Variants in ATG10 observed in about 807,000 individuals in gnomAD.
The protein encoded by ATG10 is autophagy related 10.
In ATG10, 30 loss-of-function variants were observed where a neutral mutation model predicts 32.1. The ratio of observed to expected loss-of-function variants is 0.94; its 90% CI spans 0.70 to 1.27. The LOEUF (loss-of-function observed/expected upper bound fraction) is 1.27, where lower values mean the gene tolerates loss of function less well. Ranked by LOEUF, ATG10 falls within the 50% of genes most tolerant of loss-of-function variation. The probability of loss-of-function intolerance (pLI) is 0.00; values close to 1 mark genes in which losing one functional copy is unlikely to be tolerated. For missense variants in ATG10, 233 were observed against 262.3 expected (o/e 0.89, Z 0.77); for synonymous variants, 87 against 91.5 (o/e 0.95, Z 0.28).
At chr5:82,072,029 G>A (rs1764146555) in intron 3 of ATG10, among the ~76,000 whole-genome samples, 1 of 152,144 alleles carries the variant, frequency 6.6e-6, no homozygotes, top group African/African-American at 2.4e-5. Flanking sequence ...AGTGAGATTA[G>A]GTGGGGATAA....
intron 2 of ATG10, among the ~76,000 whole-genome samples, chr5:81,991,623 T>C (rs932018459): frequency 2.0e-5 from 3 of 151,878 alleles, no homozygotes; most frequent in African/African-American, 7.3e-5. Flanking sequence ...GTGAAACCCT[T>C]TCTCTACTAA....
chr5:82,227,497 C>T (rs1021829716), intron 5 of ATG10, among the ~76,000 whole-genome samples: 4 of 152,114 alleles, frequency 2.6e-5, no homozygotes, highest in Non-Finnish European at 5.9e-5. Context: ...GCCTCAGCCT[C>T]CCATGTAACT....
intron 5 of ATG10, among the ~76,000 whole-genome samples, chr5:82,243,307 T>C (rs545055870): frequency 1.7e-3 from 260 of 151,944 alleles, no homozygotes; most frequent in African/African-American, 6.1e-3. Flanking sequence ...ATGTCTACAA[T>C]AAGATGGAAA....
chr5:82,022,308 A>G (rs1310358609), intron 2 of ATG10, among the ~76,000 whole-genome samples: 1 of 150,522 alleles, frequency 6.6e-6, no homozygotes, highest in Non-Finnish European at 1.5e-5. Flanking sequence ...TATGTGGTGT[A>G]TTACTTTGAT....
chr5:82,202,421 C>T (rs191582608), intron 5 of ATG10, among the ~76,000 whole-genome samples: 1 of 152,266 alleles, frequency 6.6e-6, no homozygotes, highest in East Asian at 1.9e-4. Context: ...ACAACTCTTC[C>T]CCCCTGCAGA....
chr5:81,984,127 C>T (rs1380029735), intron 1 of ATG10, among the ~76,000 whole-genome samples: 1 of 152,268 alleles, frequency 6.6e-6, no homozygotes, highest in Non-Finnish European at 1.5e-5. Flanking sequence ...TGCACTCCAG[C>T]CTGGGCACCA....
At chr5:82,001,290 G>GA (rs1229342332) in intron 2 of ATG10, among the ~76,000 whole-genome samples, 1 of 152,048 alleles carries the variant, frequency 6.6e-6, no homozygotes, top group Admixed American at 6.6e-5. Context: ...CAGAGAATTA[G>GA]AAAAAACAGT....
chr5:82,067,896 A>T (rs963531658), intron 3 of ATG10, among the ~76,000 whole-genome samples: 36 of 152,116 alleles, frequency 2.4e-4, no homozygotes, highest in Admixed American at 1.1e-3. Context: ...GTATTTTTTT[A>T]AAAATCAAAA....
chr5:82,032,103 A>G (rs970600208), intron 2 of ATG10, among the ~76,000 whole-genome samples: 1 of 152,204 alleles, frequency 6.6e-6, no homozygotes, highest in Non-Finnish European at 1.5e-5. Flanking sequence ...AAGTAGGACC[A>G]ATGAGAGACT....
chr5:82,249,828 G>A (rs1298800576), intron 5 of ATG10, among the ~76,000 whole-genome samples: 2 of 152,208 alleles, frequency 1.3e-5, no homozygotes, highest in Non-Finnish European at 2.9e-5. Context: ...CAGAGCTGCA[G>A]TGTGCCATGG....
chr5:82,195,229 C>G (rs992935102), intron 5 of ATG10, among the ~76,000 whole-genome samples: 3 of 152,292 alleles, frequency 2.0e-5, no homozygotes, highest in African/African-American at 7.2e-5. Flanking sequence ...AAAAATTCCT[C>G]CTGTCTTTTT....
intron 3 of ATG10, among the ~76,000 whole-genome samples, chr5:82,096,795 C>T (rs977616793): frequency 6.6e-6 from 1 of 152,188 alleles, no homozygotes; most frequent in African/African-American, 2.4e-5. Context: ...AAGAAGTCAT[C>T]AACTAGTAAT....
rs1253706479 is a variant in ATG10, at chr5:82,139,367, G to A, written c.217-25032G>A. Among the ~76,000 whole-genome samples the A allele has an allele frequency of 5.3e-5, 8 of 149,554 alleles. No homozygotes were observed. In the East Asian group the frequency reaches 8.1e-4, roughly 15 times the overall value. On this transcript the variant is annotated intron_variant, in intron 3 of 7. Transcript: ENST00000282185. ...AGTCTGGAAAGTGAGGAGCGTCTCC[G>A]CCCGGCCCCCATCCCATCTAGGAAG...
intron 3 of ATG10, among the ~76,000 whole-genome samples, chr5:82,100,751 CACAAA>C (rs1418660142): frequency 6.2e-5 from 9 of 145,632 alleles, no homozygotes; most frequent in Non-Finnish European, 1.3e-4. Flanking sequence ...ACTTCCAATA[CACAAA>C]ACAAAACAAG....
At chr5:82,085,063 T>C (rs1425808284) in intron 3 of ATG10, among the ~76,000 whole-genome samples, 2 of 152,204 alleles carry the variant, frequency 1.3e-5, no homozygotes, top group Non-Finnish European at 2.9e-5. Flanking sequence ...CAAGACCCAT[T>C]AGTGTGCTGT....
chr5:82,139,603 C>G (rs1340607939), intron 3 of ATG10, among the ~76,000 whole-genome samples: 2 of 147,296 alleles, frequency 1.4e-5, no homozygotes, highest in East Asian at 4.1e-4. Context: ...CCTCTCCGCC[C>G]GGCAGCCACC....
intron 7 of ATG10, among the ~76,000 whole-genome samples, chr5:82,253,652 G>A (rs776599781): frequency 6.3e-4 from 96 of 152,258 alleles, no homozygotes; most frequent in Non-Finnish European, 1.2e-3. Flanking sequence ...GGAGGTGAGC[G>A]GCAGCTGGGT....
Position 81,993,360 on chromosome 5 carries a change from C to CTTTCTTTCTTTCTTTTCTTTTCTT in ATG10, c.108+5684_108+5685insTCTTTCTTTCTTTTCTTTTCTTTT. Among the ~76,000 whole-genome samples, 2 of 46,770 alleles carry CTTTCTTTCTTTCTTTTCTTTTCTT rather than the reference C, an allele frequency of 4.3e-5. 1 individual carries two copies. Among genetic ancestry groups the CTTTCTTTCTTTCTTTTCTTTTCTT allele is most frequent in the Non-Finnish European group, 8.1e-5 (2 of 24,760 alleles). 30.7% of individuals were successfully genotyped at this position (46,770 alleles called of 152,430 possible). A position where few individuals can be genotyped will look rare whatever the true frequency, so the allele number is the denominator to read the frequency against. ...CCTTCTTTCTTTCTTTCTTTCTTTCCTTCTTTTCTTTTCTTTTCTTTTCTT... is the reference window on the plus strand; with the variant it reads ...CCTTCTTTCTTTCTTTCTTTCTTTCCTTTCTTTCTTTCTTTTCTTTTCTTTTCTTTTCTTTTCTTTTCTTTTCTT... On this transcript the variant is annotated intron_variant, in intron 2 of 7. Coordinates refer to ENST00000282185, the MANE Select transcript of ATG10 (RefSeq NM_031482.5).
chr5:82,211,443 G>T (rs1306662557), intron 5 of ATG10, among the ~76,000 whole-genome samples: 1 of 151,998 alleles, frequency 6.6e-6, no homozygotes, highest in Non-Finnish European at 1.5e-5. Flanking sequence ...TCTCTCCTCT[G>T]ACCCTGTTTC....
Sources: gnomAD v4.1 joint callset for allele counts (sites outside exome capture counted in the v4.1 genomes callset) on GRCh38, gnomAD v4.1.1 for gene constraint, MANE v1.5 for transcripts, NCBI Gene and HGNC (gene_info 2026-07-23, HGNC 2026-07-21) for gene names.